SLC5A11: variants seen among roughly 807,000 people sequenced by gnomAD.
SLC5A11 encodes sodium/myo-inositol cotransporter 2.
In SLC5A11, 48 loss-of-function variants were observed where a neutral mutation model predicts 69.8. The observed-to-expected ratio is 0.69, with a 90% CI of 0.55 to 0.87. The LOEUF is 0.87. Ranked by LOEUF, SLC5A11 falls within the 40% of genes least tolerant of loss-of-function variation. The pLI is 0.00. For synonymous variants in SLC5A11, 319 were observed against 342.4 expected (o/e 0.93, Z 0.75); for missense variants, 784 against 866.1 (o/e 0.91, Z 1.19).
intron 6 of SLC5A11, among the ~76,000 whole-genome samples, chr16:24,876,564 G>T (rs947865564): frequency 6.6e-6 from 1 of 152,144 alleles, no homozygotes; most frequent in Non-Finnish European, 1.5e-5. Flanking sequence ...TTGTCCTATG[G>T]GAAGGGGTGA....
At chr16:24,884,186 G>T in intron 8 of SLC5A11, 55 bp downstream of exon 9, 3 of 1,528,144 alleles carry the variant, frequency 2.0e-6, no homozygotes, top group Admixed American at 1.7e-5. Flanking sequence ...CTCCAGCAGG[G>T]ATATCTGCTC....
intron 15 of SLC5A11, 45 bp downstream of exon 16, chr16:24,910,522 T>G (rs1482316432): frequency 6.4e-7 from 1 of 1,552,724 alleles, no homozygotes; most frequent in South Asian, 1.2e-5. Context: ...GAGTACGTGT[T>G]AAAGGGATTG....
intron 8 of SLC5A11, among the ~76,000 whole-genome samples, chr16:24,888,632 C>T (rs553064245): frequency 4.4e-4 from 66 of 150,700 alleles, no homozygotes; most frequent in Admixed American, 1.1e-3. Context: ...TACAGGCTCG[C>T]GCCACCACAT....
At chr16:24,911,274 T>C (rs2050504099) in intron 15 of SLC5A11, 54 bp from the exon 17 acceptor site, 15 of 1,568,018 alleles carry the variant, frequency 9.6e-6, no homozygotes, top group East Asian at 2.3e-5. Context: ...CTGTCTCACC[T>C]CTCTGGGAGA....
intron 12 of SLC5A11, 35 bp downstream of exon 13, chr16:24,907,210 AAG>A (rs1159511027): frequency 1.2e-6 from 2 of 1,610,124 alleles, no homozygotes; most frequent in Admixed American, 3.4e-5. Flanking sequence ...GGGCAGGGGG[AAG>A]AGAGAGCTGA....
At chr16:24,856,267 C>G (rs2059524082) in intron 1 of SLC5A11, among the ~76,000 whole-genome samples, 1 of 149,760 alleles carries the variant, frequency 6.7e-6, no homozygotes, top group Non-Finnish European at 1.5e-5. Context: ...GCGAAAATCC[C>G]ATTTATCACT....
At chr16:24,907,101 C>A in exon 12 of SLC5A11, 2 of 1,614,166 alleles carry the variant, frequency 1.2e-6, no homozygotes, top group Non-Finnish European at 1.7e-6. Flanking sequence ...ACAGTGCCAG[C>A]ACCATCTTCA....
At position 24,875,714 on chromosome 16, in the gene SLC5A11, A is replaced by C. The variant is rs1428760253; in HGVS notation, c.460A>C (p.Ile154Leu). The C allele has an allele frequency of 5.0e-6, 8 of 1,613,520 alleles. No homozygotes were observed. The South Asian group carries it at 8.8e-5, about 18-fold the overall frequency. The change falls in exon 6 of 16, where the codon ATC (isoleucine) becomes CTC (leucine). Residue 154 changes from isoleucine (I) to leucine (L), a missense_variant. Physicochemically the swap from Ile to Leu is conservative, Grantham distance 5 (BLOSUM62 2). Transcript: ENST00000347898. ...GGCTGTACTCTACCTATTTATCTAC[A>C]TCTTCACCAAGATCTCGGTAAGGCA...
At chr16:24,846,942 C>T (rs113923882) in intron 1 of SLC5A11, among the ~76,000 whole-genome samples, 2 of 152,214 alleles carry the variant, frequency 1.3e-5, no homozygotes, top group Admixed American at 6.5e-5. Flanking sequence ...GCCTGGATCT[C>T]ATCTAACTGA....
intron 2 of SLC5A11, among the ~76,000 whole-genome samples, chr16:24,860,909 G>A (rs1334992897): frequency 2.6e-5 from 4 of 151,890 alleles, no homozygotes; most frequent in East Asian, 1.9e-4. Flanking sequence ...GGGTTTCACC[G>A]TGTTAGCCAG....
At chr16:24,870,782 A>C (rs1268689063) in intron 4 of SLC5A11, among the ~76,000 whole-genome samples, 2 of 57,612 alleles carry the variant, frequency 3.5e-5, no homozygotes, top group East Asian at 5.8e-4. Flanking sequence ...TCTGTCTCAC[A>C]AAAAAAAAAA....
At position 24,879,369 on chromosome 16, in the gene SLC5A11, C is replaced by T. The variant is rs576130148; in HGVS notation, c.583+2006C>T. ...TTCAACTGGTATCCCCCTCCCTCTCCCTCCTCTAGTAGTCCCCAATTCCCT... is the reference window on the plus strand; with the variant it reads ...TTCAACTGGTATCCCCCTCCCTCTCTCTCCTCTAGTAGTCCCCAATTCCCT... On this transcript the variant is annotated intron_variant, in intron 7 of 15. Transcript: ENST00000347898. Among the ~76,000 whole-genome samples, 9 of 152,216 alleles carry T rather than the reference C, an allele frequency of 5.9e-5. No homozygotes were observed. In the East Asian group the frequency reaches 1.5e-3, roughly 26 times the overall value.
At chr16:24,877,467 C>A in intron 7 of SLC5A11, 104 bp downstream of exon 8, 1 of 804,222 alleles carries the variant, frequency 1.2e-6, no homozygotes, top group Non-Finnish European at 2.0e-6. Context: ...TGTGCTAAGA[C>A]CCATTTATTC....
intron 10 of SLC5A11, among the ~76,000 whole-genome samples, chr16:24,900,591 G>A (rs938637980): frequency 6.6e-6 from 1 of 152,112 alleles, no homozygotes; most frequent in South Asian, 2.1e-4. Context: ...ATATACAGCT[G>A]TTCAGCAAGT....
intron 10 of SLC5A11, 68 bp downstream of exon 11, chr16:24,898,177 ATAT>A: frequency 1.3e-6 from 2 of 1,545,190 alleles, no homozygotes; most frequent in East Asian, 2.3e-5. Flanking sequence ...TATTCTAAAC[ATAT>A]TATTAGAAGC....
intron 5 of SLC5A11, among the ~76,000 whole-genome samples, chr16:24,873,234 G>GGAGA (rs1444027022): frequency 9.9e-5 from 13 of 131,252 alleles, no homozygotes; most frequent in African/African-American, 3.8e-4. Flanking sequence ...AGGAAGGAAT[G>GGAGA]GAGAGAGGGA....
chr16:24,875,303 GC>G (rs2047596202), intron 5 of SLC5A11, among the ~76,000 whole-genome samples: 1 of 152,136 alleles, frequency 6.6e-6, no homozygotes, highest in Non-Finnish European at 1.5e-5. Flanking sequence ...TTCCACCTCA[GC>G]CACCTGAGTA....
intron 15 of SLC5A11, 103 bp downstream of exon 16, chr16:24,910,580 C>A: frequency 7.6e-7 from 1 of 1,321,332 alleles, no homozygotes; most frequent in Non-Finnish European, 1.0e-6. Context: ...AGTGGGCAGA[C>A]TTGGAGTTTT....
chr16:24,854,936 A>AG, intron 1 of SLC5A11, among the ~76,000 whole-genome samples: 1 of 151,942 alleles, frequency 6.6e-6, no homozygotes, highest in East Asian at 1.9e-4. Flanking sequence ...GCACAGAGAA[A>AG]GGTTAGGTTA....
Sources: allele counts gnomAD v4.1 joint callset (sites outside exome capture counted in the v4.1 genomes callset), GRCh38; gene constraint gnomAD v4.1.1; transcripts MANE v1.5; gene names NCBI Gene and HGNC (gene_info 2026-07-23, HGNC 2026-07-21).